Variants in GPM6A observed in about 807,000 individuals in gnomAD.
GPM6A encodes neuronal membrane glycoprotein M6-a.
GPM6A carries 7 observed loss-of-function variants against 32.1 expected under a neutral mutation model. The observed-to-expected ratio is 0.22, with a 90% CI of 0.12 to 0.41. The LOEUF is 0.41. Ranked by LOEUF, GPM6A falls within the 10% of genes least tolerant of loss-of-function variation. The pLI, the probability that GPM6A is intolerant of heterozygous loss-of-function variation, is 1.00. For missense variants in GPM6A, 235 were observed against 347.2 expected (o/e 0.68, Z 2.57); for synonymous variants, 130 against 123.4 (o/e 1.05, Z -0.35).
intron 1 of GPM6A, among the ~76,000 whole-genome samples, chr4:175,748,563 T>C (rs1732196125): frequency 1.3e-5 from 2 of 152,150 alleles, no homozygotes; most frequent in Non-Finnish European, 2.9e-5. Context: ...AAATATCCAG[T>C]AAACCATGCC....
intron 3 of GPM6A, among the ~76,000 whole-genome samples, chr4:175,658,797 T>C (rs937254824): frequency 6.6e-6 from 1 of 152,198 alleles, no homozygotes; most frequent in Non-Finnish European, 1.5e-5. Flanking sequence ...TTCATGAGCA[T>C]ATGTGAAATG....
chr4:175,881,788 CAAT>C (rs1219111585), intron 1 of GPM6A, among the ~76,000 whole-genome samples: 1 of 151,020 alleles, frequency 6.6e-6, no homozygotes, highest in Non-Finnish European at 1.5e-5. Flanking sequence ...GGGAATTGAA[CAAT>C]GAGAACACTT....
At chr4:175,795,684 G>A (rs1416547263) in intron 1 of GPM6A, among the ~76,000 whole-genome samples, 1 of 152,142 alleles carries the variant, frequency 6.6e-6, no homozygotes, top group East Asian at 1.9e-4. Context: ...CCAGGAGTTT[G>A]AGGCTGCAGT....
chr4:175,734,569 A>T (rs199992848), intron 1 of GPM6A, among the ~76,000 whole-genome samples: 8,186 of 132,598 alleles, frequency 0.062, 532 homozygotes, highest in East Asian at 0.39. Context: ...TTACTTTTTA[A>T]AAAAAAAAAA....
At chr4:175,829,650 T>C (rs1193623278) in intron 1 of GPM6A, among the ~76,000 whole-genome samples, 16 of 516 alleles carry the variant, frequency 0.031, no homozygotes, top group Non-Finnish European at 0.1. Flanking sequence ...ATTTATGTAA[T>C]ATATATATAT....
chr4:175,900,055 G>A (rs754847442), intron 1 of GPM6A, among the ~76,000 whole-genome samples: 9 of 152,062 alleles, frequency 5.9e-5, no homozygotes, highest in East Asian at 1.9e-4. Context: ...CGAGGCAGGC[G>A]GATCACCTGA....
Position 175,634,049 on chromosome 4 carries a change from G to A in GPM6A, c.*856C>T, listed in dbSNP as rs1161273231. On this transcript the variant is annotated 3_prime_UTR_variant, in exon 7 of 7. Transcript: ENST00000393658. ...AATTTTCCACATTAGCATATTAAAA[G>A]TTCCAATCCAGCCACTTCTTAAATC... 6.6e-6 allele frequency: 1 copy of A among 152,480 alleles called. No homozygotes were observed. The highest frequency in any genetic ancestry group is 2.4e-5 in the African/African-American group (1 of 41,422). 9.4% of individuals were successfully genotyped at this position (152,480 alleles called of 1,614,324 possible).
chr4:175,962,404 C>G, intron 1 of GPM6A: 1 of 729,774 alleles, frequency 1.4e-6, no homozygotes, highest in East Asian at 2.6e-5. Context: ...ACCAAGAACA[C>G]TCCCAAGTGG....
upstream of GPM6A, among the ~76,000 whole-genome samples, chr4:175,816,679 G>A (rs146186190): frequency 6.5e-4 from 99 of 152,206 alleles, no homozygotes; most frequent in Middle Eastern, 3.4e-3. Context: ...GCAGGAACAC[G>A]GTTTAGAAAC....
chr4:175,670,242 A>C lies in GPM6A; in HGVS notation c.387+3438T>G, dbSNP rs75856995. Among the ~76,000 whole-genome samples the C allele has an allele frequency of 1.0e-3, 158 of 152,324 alleles. 3 individuals carry two copies. The East Asian group carries it at 0.026, about 25-fold the overall frequency. ...CCATAGAGTTTAGTACATTTGGGAA[A>C]TCTATTACTTCGAAAGTGTTGCATT... On this transcript the variant is annotated intron_variant, in intron 3 of 6. Transcript: ENST00000393658.
At chr4:175,967,960 C>T (rs1188284345) in intron 1 of GPM6A, among the ~76,000 whole-genome samples, 1 of 152,116 alleles carries the variant, frequency 6.6e-6, no homozygotes, top group Non-Finnish European at 1.5e-5. Flanking sequence ...ACAACATCAA[C>T]AGCACGATGT....
chr4:175,969,383 A>G (rs893151435), intron 1 of GPM6A, among the ~76,000 whole-genome samples: 7 of 152,274 alleles, frequency 4.6e-5, no homozygotes, highest in Non-Finnish European at 1.0e-4. Context: ...AACACGATTG[A>G]TTGACCCCAA....
chr4:175,902,033 A>C (rs1414224682), intron 1 of GPM6A, among the ~76,000 whole-genome samples: 1 of 152,136 alleles, frequency 6.6e-6, no homozygotes, highest in African/African-American at 2.4e-5. Flanking sequence ...GGCAACAAAA[A>C]GATGTGGACA....
intron 1 of GPM6A, among the ~76,000 whole-genome samples, chr4:175,910,431 T>C (rs1373666194): frequency 6.6e-6 from 1 of 152,152 alleles, no homozygotes; most frequent in African/African-American, 2.4e-5. Flanking sequence ...CTGTTACTCC[T>C]CTTCTTAGTC....
chr4:175,849,915 G>T (rs1312840638), intron 1 of GPM6A, among the ~76,000 whole-genome samples: 1 of 152,134 alleles, frequency 6.6e-6, no homozygotes, highest in African/African-American at 2.4e-5. Context: ...ATATGGTAAT[G>T]AAATAATGGG....
intron 3 of GPM6A, 43 bp downstream of exon 3, chr4:175,673,637 A>C: frequency 7.0e-7 from 1 of 1,433,278 alleles, no homozygotes; most frequent in Non-Finnish European, 9.5e-7. Flanking sequence ...TGTGCTATTG[A>C]AATCAATCCA....
chr4:175,781,693 ATCAT>A (rs1485677755), intron 1 of GPM6A, among the ~76,000 whole-genome samples: 1 of 152,164 alleles, frequency 6.6e-6, no homozygotes, highest in Non-Finnish European at 1.5e-5. Flanking sequence ...CACAATCTTG[ATCAT>A]TCATTTGAGA....
intron 1 of GPM6A, among the ~76,000 whole-genome samples, chr4:175,709,832 A>G (rs1045063640): frequency 6.6e-6 from 1 of 151,976 alleles, no homozygotes; most frequent in Non-Finnish European, 1.5e-5. Context: ...ATCTCTTCCC[A>G]TTATAGCCAT....
intron 1 of GPM6A, among the ~76,000 whole-genome samples, chr4:175,822,455 C>T (rs961891386): frequency 4.6e-5 from 7 of 152,162 alleles, no homozygotes; most frequent in African/African-American, 1.4e-4. Flanking sequence ...CATAAGTTGT[C>T]TGTATTAACA....
Sources: allele counts gnomAD v4.1 joint callset (sites outside exome capture counted in the v4.1 genomes callset), GRCh38; gene constraint gnomAD v4.1.1; transcripts MANE v1.5; gene names NCBI Gene and HGNC (gene_info 2026-07-23, HGNC 2026-07-21).